The following EYS variants were observed in gnomAD, a reference collection of about 807,000 sequenced individuals.
EYS encodes the protein EGF-like photoreceptor maintenance factor.
EYS carries 250 observed loss-of-function variants against 282.1 expected under a neutral mutation model. The observed-to-expected ratio is 0.89, with a 90% confidence interval of 0.80 to 0.98. The LOEUF (loss-of-function observed/expected upper bound fraction) is 0.98. Ranked by LOEUF, EYS falls within the 50% of genes least tolerant of loss-of-function variation. EYS has a pLI of 0.00. For synonymous variants in EYS, 1,355 were observed against 1,282.9 expected (o/e 1.06, Z -1.20); for missense variants, 4,016 against 3,709.0 (o/e 1.08, Z -2.15).
At chr6:65,211,756 T>C (rs1302506113) in intron 12 of EYS, among the ~76,000 whole-genome samples, 1 of 151,920 alleles carries the variant, frequency 6.6e-6, no homozygotes, top group African/African-American at 2.4e-5. Flanking sequence ...AAAGCCCCTA[T>C]AGCTATCCAA....
chr6:65,391,369 T>A (rs1766024332), intron 7 of EYS, among the ~76,000 whole-genome samples: 1 of 152,054 alleles, frequency 6.6e-6, no homozygotes, highest in East Asian at 1.9e-4. Flanking sequence ...TATTTAAACT[T>A]TAAAAAACTT....
At chr6:64,726,827 G>A (rs1010428992) in intron 22 of EYS, among the ~76,000 whole-genome samples, 14 of 152,070 alleles carry the variant, frequency 9.2e-5, no homozygotes, top group African/African-American at 2.4e-4. Context: ...CTATAAGACA[G>A]GGCTCCATAG....
At chr6:64,193,542 GCACAACC>G (rs1246527383) in intron 31 of EYS, among the ~76,000 whole-genome samples, 2 of 151,826 alleles carry the variant, frequency 1.3e-5, no homozygotes, top group Non-Finnish European at 2.9e-5. Context: ...GGGTACATGT[GCACAACC>G]TGCAGGTTTG....
At chr6:63,840,054 T>C in intron 36 of EYS, among the ~76,000 whole-genome samples, 1 of 149,896 alleles carries the variant, frequency 6.7e-6, no homozygotes, top group Non-Finnish European at 1.5e-5. Flanking sequence ...ATTTCTTTTT[T>C]TTTTTTTTTT....
rs371471785 is a variant in EYS, at chr6:65,062,842, T to C, written c.2024-5115A>G. The stretch of plus-strand genomic sequence containing the variant: ...TAACTCCTCTCACATCACCGTCTTT[T>C]ACTTTGCTTTATAAAACTTATTACA... On this transcript the variant is annotated intron_variant, in intron 12 of 42. Transcript: ENST00000503581. 2.6e-5 allele frequency among the ~76,000 whole-genome samples: 4 copies of C among 151,994 alleles called. No individual in the cohort carries two copies. The South Asian group carries it at 6.2e-4, about 24-fold the overall frequency.
chr6:65,521,835 A>G (rs182965302), intron 2 of EYS, among the ~76,000 whole-genome samples: 78 of 152,282 alleles, frequency 5.1e-4, no homozygotes, highest in South Asian at 1.4e-3. Context: ...AATATCTCCT[A>G]CTCATCAAAA....
At chr6:65,288,249 C>G (rs1200000770) in intron 12 of EYS, among the ~76,000 whole-genome samples, 1 of 150,616 alleles carries the variant, frequency 6.6e-6, no homozygotes, top group Admixed American at 6.6e-5. Flanking sequence ...CATATTATGT[C>G]TGAGGGAATC....
intron 12 of EYS, among the ~76,000 whole-genome samples, chr6:65,062,490 A>G (rs541347091): frequency 2.6e-5 from 4 of 152,098 alleles, no homozygotes; most frequent in East Asian, 3.9e-4. Context: ...GCAGTGCACA[A>G]CACATCCAGA....
At chr6:63,967,144 C>A (rs1562122161) in intron 35 of EYS, among the ~76,000 whole-genome samples, 1 of 152,076 alleles carries the variant, frequency 6.6e-6, no homozygotes, top group Non-Finnish European at 1.5e-5. Context: ...GTCTGATAAC[C>A]AAGATGTCTA....
intron 13 of EYS, among the ~76,000 whole-genome samples, chr6:65,054,313 A>G (rs1283190641): frequency 2.6e-5 from 4 of 151,960 alleles, no homozygotes; most frequent in South Asian, 2.1e-4. Context: ...ATCTTTTCAT[A>G]TAAGAATTAG....
intron 22 of EYS, among the ~76,000 whole-genome samples, chr6:64,727,471 C>T (rs1262411402): frequency 6.6e-6 from 1 of 152,140 alleles, no homozygotes; most frequent in African/African-American, 2.4e-5. Context: ...TATCATCAAA[C>T]GGTAGCCATA....
chr6:65,323,533 C>A (rs1769534755), intron 11 of EYS, among the ~76,000 whole-genome samples: 1 of 150,952 alleles, frequency 6.6e-6, no homozygotes, highest in African/African-American at 2.4e-5. Flanking sequence ...ACAGGTATAG[C>A]CTTCATATAA....
At chr6:64,871,483 A>G (rs1481525406) in intron 19 of EYS, among the ~76,000 whole-genome samples, 1 of 151,968 alleles carries the variant, frequency 6.6e-6, no homozygotes, top group Non-Finnish European at 1.5e-5. Flanking sequence ...CCTGAAATTA[A>G]TGCTATGTTT....
chr6:64,512,483 C>A (rs1777440041), intron 26 of EYS, among the ~76,000 whole-genome samples: 2 of 151,688 alleles, frequency 1.3e-5, no homozygotes, highest in Non-Finnish European at 2.9e-5. Flanking sequence ...CCTGATGGCC[C>A]AGGGGAAGGG....
At chr6:64,988,461 T>C (rs1036128426) in intron 14 of EYS, among the ~76,000 whole-genome samples, 1 of 151,556 alleles carries the variant, frequency 6.6e-6, no homozygotes, top group Non-Finnish European at 1.5e-5. Flanking sequence ...TCTTACTCTA[T>C]GAAAAAATCT....
At chr6:64,946,017 T>A (rs1769278318) in intron 14 of EYS, 103 bp from the exon 15 acceptor site, 1 of 940,420 alleles carries the variant, frequency 1.1e-6, no homozygotes, top group East Asian at 2.8e-5. Flanking sequence ...CAATTTATAA[T>A]TTTTTTAGTT....
At chr6:64,689,222 T>A in intron 22 of EYS, among the ~76,000 whole-genome samples, 1 of 152,116 alleles carries the variant, frequency 6.6e-6, no homozygotes, top group Non-Finnish European at 1.5e-5. Flanking sequence ...CCATTCACAA[T>A]TGCTTCAAAG....
intron 12 of EYS, among the ~76,000 whole-genome samples, chr6:65,227,151 C>T (rs1421407060): frequency 7.5e-6 from 1 of 132,620 alleles, no homozygotes; most frequent in Non-Finnish European, 1.6e-5. Flanking sequence ...AAAACAACAA[C>T]AACAACCAAA....
chr6:63,730,562 A>G (rs967908382), intron 41 of EYS, among the ~76,000 whole-genome samples: 2 of 152,336 alleles, frequency 1.3e-5, no homozygotes, highest in East Asian at 1.9e-4. Flanking sequence ...GAGATGTTCA[A>G]TGAACAATCT....
Sources: gnomAD v4.1 joint callset for allele counts (sites outside exome capture counted in the v4.1 genomes callset) on GRCh38, gnomAD v4.1.1 for gene constraint, MANE v1.5 for transcripts, NCBI Gene and HGNC (gene_info 2026-07-23, HGNC 2026-07-21) for gene names.